Variants in EQTN observed in about 807,000 individuals in gnomAD.
EQTN encodes the protein equatorin.
EQTN carries 29 observed loss-of-function variants against 26.9 expected under a neutral mutation model. The ratio of observed to expected loss-of-function variants is 1.08; its 90% CI spans 0.80 to 1.47. The LOEUF is 1.47. EQTN is among the 40% of genes most tolerant of loss of function. The pLI, the probability that EQTN is intolerant of heterozygous loss-of-function variation, is 0.00. For missense variants in EQTN, 391 were observed against 346.1 expected (o/e 1.13, Z -1.03); for synonymous variants, 129 against 120.0 (o/e 1.07, Z -0.49).
chr9:27,288,285 C>T (rs200413850), intron 6 of EQTN, among the ~76,000 whole-genome samples: 5,791 of 152,036 alleles, frequency 0.038, 159 homozygotes, highest in African/African-American at 0.05. Flanking sequence ...GGAGTTTTAC[C>T]TCTATTAGTA....
At chr9:27,295,248 T>C (rs368138262) in intron 2 of EQTN, among the ~76,000 whole-genome samples, 24 of 152,138 alleles carry the variant, frequency 1.6e-4, no homozygotes, top group African/African-American at 5.6e-4. Flanking sequence ...TTTTGAGCAA[T>C]TCCTGAGACA....
chr9:27,290,959 T>C (rs1435205286), intron 5 of EQTN, 60 bp downstream of exon 5: 1 of 1,486,654 alleles, frequency 6.7e-7, no homozygotes, highest in Non-Finnish European at 9.3e-7. Context: ...TGATCTTAGC[T>C]CTAAGTAAGA....
Position 27,294,404 on chromosome 9 carries a change from TA to T in EQTN, c.203-3del, listed in dbSNP as rs758103626. 27 of 1,570,010 alleles carry T rather than the reference TA, an allele frequency of 1.7e-5. No homozygotes were observed. The highest frequency in any genetic ancestry group is 2.3e-5 in the Non-Finnish European group (27 of 1,151,230). ...TTGGATTTTGTGTTGTGAACACATC[TA>T]AAAACAAAAGCGAAAGTCTTCAGCA... On this transcript the variant is annotated splice_polypyrimidine_tract_variant and splice_region_variant and intron_variant, in intron 2 of 7. Coordinates refer to ENST00000380032, the MANE Select transcript of EQTN (RefSeq NM_020641.3).
In EQTN at chr9:27,294,374, G is replaced by T. The variant is rs1457902698; in HGVS notation, c.231C>A (p.Gly77=). ...QYVFTTQNPN[G]TESEISVRAT... is the part of the protein sequence containing the mutation. ...CTCTCACAGATATTTCAGACTCAGT[G>T]CCATTTGGATTTTGTGTTGTGAACA... Residue 77 remains glycine (G), a synonymous_variant, in exon 3 of 8, where the codon GGC becomes GGA. Transcript: ENST00000380032. The T allele has an allele frequency of 1.9e-6, 3 of 1,609,810 alleles. No individual in the cohort carries two copies. Among genetic ancestry groups the T allele is most frequent in the Non-Finnish European group, 2.5e-6 (3 of 1,177,392 alleles).
Position 27,289,678 on chromosome 9 carries a change from T to C in EQTN, c.475A>G (p.Ile159Val). Reference protein sequence around the residue: ...MDDKDQLFHPIPESDVNATQG... With the variant: ...MDDKDQLFHPVPESDVNATQG... ...TGAAATATTTTGTTCTTACCTGGAA[T>C]TGGGTGAAATAATTGATCTTTATCA... The change falls in exon 6 of 8, where the codon ATT becomes GTT. Residue 159 changes from isoleucine (I) to valine (V), a missense_variant. Transcript: ENST00000380032. The C allele has an allele frequency of 1.2e-6, 2 of 1,605,790 alleles. No individual in the cohort carries two copies.
chr9:27,291,078 C>T lies in EQTN; in HGVS notation c.377-15G>A. The T allele has an allele frequency of 5.0e-6, 8 of 1,597,330 alleles. No homozygotes were observed. The highest frequency in any genetic ancestry group is 6.0e-6 in the Non-Finnish European group (7 of 1,172,550). On this transcript the variant is annotated splice_polypyrimidine_tract_variant and intron_variant, in intron 4 of 7. Transcript: ENST00000380032. ...TGGGGTTGATCCTGTTAAAACAAAACAAAACACAACAAGAACAACAAGAAA... is the reference window on the plus strand; with the variant it reads ...TGGGGTTGATCCTGTTAAAACAAAATAAAACACAACAAGAACAACAAGAAA...
intron 7 of EQTN, among the ~76,000 whole-genome samples, chr9:27,285,217 C>T (rs1820095648): frequency 7.5e-6 from 1 of 133,620 alleles, no homozygotes; most frequent in South Asian, 2.5e-4. Context: ...AATCTCGGCT[C>T]ACTGCAACCT....
At chr9:27,290,131 C>G (rs1022876919) in intron 5 of EQTN, among the ~76,000 whole-genome samples, 1 of 152,182 alleles carries the variant, frequency 6.6e-6, no homozygotes, top group Admixed American at 6.5e-5. Context: ...AACATCACAG[C>G]CTTCTTGCAC....
Position 27,296,645 on chromosome 9 carries a change from T to C in EQTN, c.170A>G (p.Lys57Arg). Residue 57 changes from lysine (K) to arginine (R), a missense_variant, in exon 2 of 8, where the codon AAA (lysine) becomes AGA (arginine). Physicochemically the swap from Lys to Arg is conservative, Grantham distance 26 (BLOSUM62 2). Coordinates refer to ENST00000380032, the MANE Select transcript of EQTN (RefSeq NM_020641.3). ...HTPNYAPANE[K>R]NGNYYKDIKQ... The stretch of plus-strand genomic sequence containing the variant: ...TATATCTTTATAATAATTGCCATTT[T>C]TCTCATTAGCAGGAGCATAATTGGG... 1 of 1,572,094 alleles carries C rather than the reference T, an allele frequency of 6.4e-7. No individual in the cohort carries two copies. Among genetic ancestry groups the C allele is most frequent in the Non-Finnish European group, 8.7e-7 (1 of 1,146,200 alleles).
intron 6 of EQTN, among the ~76,000 whole-genome samples, chr9:27,288,263 C>T (rs1820160452): frequency 1.3e-5 from 2 of 152,074 alleles, no homozygotes; most frequent in Admixed American, 6.6e-5. Flanking sequence ...ATGAAATTTT[C>T]CATTCAAATT....
At chr9:27,295,386 C>T (rs1820315519) in intron 2 of EQTN, among the ~76,000 whole-genome samples, 1 of 152,134 alleles carries the variant, frequency 6.6e-6, no homozygotes, top group Non-Finnish European at 1.5e-5. Flanking sequence ...AACAATTGGC[C>T]TAATTTCATC....
chr9:27,292,354 C>A, intron 4 of EQTN, 47 bp downstream of exon 4: 3 of 1,305,796 alleles, frequency 2.3e-6, no homozygotes, highest in Non-Finnish European at 3.2e-6. Context: ...TTTTAAGTCA[C>A]ATAATGATAT....
At chr9:27,288,402 G>T (rs868270222) in intron 6 of EQTN, among the ~76,000 whole-genome samples, 6 of 151,972 alleles carry the variant, frequency 3.9e-5, no homozygotes, top group Middle Eastern at 3.2e-3. Context: ...TTCTTACAAA[G>T]ATAACCACTC....
At chr9:27,287,550 A>T (rs918311959) in intron 6 of EQTN, among the ~76,000 whole-genome samples, 2 of 152,172 alleles carry the variant, frequency 1.3e-5, no homozygotes, top group South Asian at 4.1e-4. Context: ...TTTCTCTCTA[A>T]GCCTCAGTTT....
chr9:27,294,433 T>C (rs1357926448), intron 2 of EQTN, 31 bp from the exon 3 acceptor site: 10 of 1,389,274 alleles, frequency 7.2e-6, no homozygotes, highest in Non-Finnish European at 9.0e-6. Flanking sequence ...CTTCAGCAAC[T>C]AGCTAAGTCA....
chr9:27,291,191 G>C, intron 4 of EQTN, 128 bp from the exon 5 acceptor site: 1 of 741,190 alleles, frequency 1.3e-6, no homozygotes, highest in Non-Finnish European at 2.1e-6. Flanking sequence ...TAATGTGTCA[G>C]ACCTGTGGTT....
Position 27,292,218 on chromosome 9 carries a change from T to C in EQTN, c.376+183A>G, listed in dbSNP as rs1031928006. The stretch of plus-strand genomic sequence containing the variant: ...AGCTCATTTCTCATCCTTTGTCAGG[T>C]ATACCTGAAGACTGACTGTTAGACA... On this transcript the variant is annotated intron_variant, in intron 4 of 7. Coordinates refer to ENST00000380032, the MANE Select transcript of EQTN (RefSeq NM_020641.3). 2.8e-4 allele frequency: 104 copies of C among 368,722 alleles called. No homozygotes were observed. The Admixed American group carries it at 4.6e-3, about 16-fold the overall frequency. The allele number at this position is 368,722 out of a possible 1,614,324, so 22.8% of individuals were successfully genotyped here. A position where few individuals can be genotyped will look rare whatever the true frequency, so the allele number is the denominator to read the frequency against.
At chr9:27,285,330 G>T (rs1384058227) in intron 7 of EQTN, among the ~76,000 whole-genome samples, 3 of 151,802 alleles carry the variant, frequency 2.0e-5, no homozygotes, top group African/African-American at 7.3e-5. Flanking sequence ...TTTTAGTAGA[G>T]ACGGGGTTTC....
chr9:27,289,681 G>C lies in EQTN; in HGVS notation c.472C>G (p.Pro158Ala), dbSNP rs745628813. 1 of 1,604,448 alleles carries C rather than the reference G, an allele frequency of 6.2e-7. No homozygotes were observed. The highest frequency in any genetic ancestry group is 1.3e-5 in the African/African-American group (1 of 74,712). Residue 158 changes from proline to alanine, a missense_variant, in exon 6 of 8, where the codon CCA (proline) becomes GCA (alanine). Physicochemically the swap from Pro to Ala is conservative, Grantham distance 27. Transcript: ENST00000380032. The stretch of plus-strand genomic sequence containing the variant: ...AATATTTTGTTCTTACCTGGAATTG[G>C]GTGAAATAATTGATCTTTATCATCC... ...VMDDKDQLFH[P>A]IPESDVNATQ...
Sources: allele counts gnomAD v4.1 joint callset (sites outside exome capture counted in the v4.1 genomes callset), GRCh38; gene constraint gnomAD v4.1.1; transcripts MANE v1.5; gene names NCBI Gene and HGNC (gene_info 2026-07-23, HGNC 2026-07-21).